Variants in PTPRT observed in about 807,000 individuals in gnomAD.
The protein encoded by PTPRT is receptor-type tyrosine-protein phosphatase T.
In PTPRT, 56 loss-of-function variants were observed where a neutral mutation model predicts 176.8. The observed-to-expected ratio is 0.32, with a 90% CI of 0.26 to 0.40. PTPRT has a LOEUF of 0.40. Among genes scored for constraint, PTPRT ranks in the 10% least tolerant of loss-of-function variants. PTPRT has a pLI of 1.00. For missense variants in PTPRT, 1,540 were observed against 1,908.2 expected (o/e 0.81, Z 3.60); for synonymous variants, 783 against 739.0 (o/e 1.06, Z -0.96).
At chr20:43,061,083 A>AATGAATGG (rs1297516398) in intron 1 of PTPRT, among the ~76,000 whole-genome samples, 2 of 114,030 alleles carry the variant, frequency 1.8e-5, no homozygotes, top group African/African-American at 3.2e-5. Flanking sequence ...TGGGCGGATA[A>AATGAATGG]ATGAATGGAT....
At position 42,449,891 on chromosome 20, in the gene PTPRT, A is replaced by G. The variant is rs563723064; in HGVS notation, c.1451-1562T>C. Among the ~76,000 whole-genome samples the G allele has an allele frequency of 2.6e-5, 4 of 152,370 alleles. No homozygotes were observed. The East Asian group carries it at 7.7e-4, about 29-fold the overall frequency. ...AAATTACTCATAATTCACATGTTCA[A>G]ATATTATTTTCCAATCTTTTTATGC... is the stretch of plus-strand genomic sequence containing the variant. On this transcript the variant is annotated intron_variant, in intron 8 of 30. Coordinates refer to ENST00000373187, the MANE Select transcript of PTPRT (RefSeq NM_007050.6).
intron 6 of PTPRT, among the ~76,000 whole-genome samples, chr20:42,753,533 C>A (rs1444041281): frequency 6.6e-6 from 1 of 152,208 alleles, no homozygotes; most frequent in African/African-American, 2.4e-5. Flanking sequence ...GCCAACCCCC[C>A]ACTGTTCAAT....
At position 42,199,395 on chromosome 20, in the gene PTPRT, G is replaced by A. The variant is rs868365668; in HGVS notation, c.2343-7C>T. 1 of 1,613,226 alleles carries A rather than the reference G, an allele frequency of 6.2e-7. No individual in the cohort carries two copies. Among genetic ancestry groups the A allele is most frequent in the Non-Finnish European group, 8.5e-7 (1 of 1,179,666 alleles). ...CTGCTTCTTGGCCAGCTTCCTTTGG[G>A]ACATGTGCAAGGGGAAAAAACCACA... On this transcript the variant is annotated splice_polypyrimidine_tract_variant and splice_region_variant and intron_variant, in intron 15 of 30. Transcript: ENST00000373187.
chr20:42,218,311 T>C (rs921466636), intron 15 of PTPRT, among the ~76,000 whole-genome samples: 11 of 152,238 alleles, frequency 7.2e-5, no homozygotes, highest in Non-Finnish European at 1.6e-4. Context: ...TGAAGAAGTA[T>C]ATCTATGTGC....
chr20:42,250,032 A>G (rs2056524038), intron 13 of PTPRT, among the ~76,000 whole-genome samples: 1 of 152,210 alleles, frequency 6.6e-6, no homozygotes, highest in Admixed American at 6.5e-5. Context: ...TTCATCAGCC[A>G]ATACGCTTTC....
At chr20:42,494,177 G>A (rs2071608940) in intron 7 of PTPRT, among the ~76,000 whole-genome samples, 1 of 152,088 alleles carries the variant, frequency 6.6e-6, no homozygotes, top group Admixed American at 6.6e-5. Flanking sequence ...TATGGTTAGA[G>A]ACCTCTGGAG....
intron 2 of PTPRT, among the ~76,000 whole-genome samples, chr20:42,821,405 C>T (rs1429880296): frequency 2.0e-5 from 3 of 152,132 alleles, no homozygotes; most frequent in Non-Finnish European, 4.4e-5. Context: ...AGTGATGGAA[C>T]ATATCTCAAA....
At chr20:42,412,972 A>G (rs1029353616) in intron 9 of PTPRT, among the ~76,000 whole-genome samples, 3 of 152,194 alleles carry the variant, frequency 2.0e-5, no homozygotes, top group Non-Finnish European at 4.4e-5. Flanking sequence ...GGTAGTGGTT[A>G]TACAACTATA....
At position 42,248,713 on chromosome 20, in the gene PTPRT, C is replaced by T. The variant is rs1254661924; in HGVS notation, c.2286G>A (p.Leu762=). Reference sequence around the variant, plus strand: ...TCCTTTTGATGGTGAGCATCACGCCCAGGAGAATGATGATGAACATGAGGA... The same window carrying T: ...TCCTTTTGATGGTGAGCATCACGCCTAGGAGAATGATGATGAACATGAGGA... The part of the protein sequence containing the change: ...AGLLMFIIIL[L]GVMLTIKRRR... Residue 762 remains leucine, a synonymous_variant, in exon 14 of 31, where the codon CTG becomes CTA. Transcript: ENST00000373187. The T allele has an allele frequency of 6.2e-7, 1 of 1,613,940 alleles. No individual in the cohort carries two copies. The highest frequency in any genetic ancestry group is 8.5e-7 in the Non-Finnish European group (1 of 1,179,924).
chr20:42,633,753 T>C (rs1309726058), intron 7 of PTPRT, among the ~76,000 whole-genome samples: 1 of 116,794 alleles, frequency 8.6e-6, no homozygotes, highest in Non-Finnish European at 1.6e-5. Flanking sequence ...ACCACTGCCC[T>C]CCAGCCTGGG....
intron 1 of PTPRT, among the ~76,000 whole-genome samples, chr20:43,043,232 G>T (rs1024034464): frequency 6.6e-6 from 1 of 152,124 alleles, no homozygotes; most frequent in Non-Finnish European, 1.5e-5. Context: ...GCTAGCAAAC[G>T]ACGCCCTCCC....
At chr20:43,112,437 T>C (rs1294409831) in intron 1 of PTPRT, among the ~76,000 whole-genome samples, 2 of 152,186 alleles carry the variant, frequency 1.3e-5, no homozygotes, top group Non-Finnish European at 2.9e-5. Context: ...AGGTTGTTCA[T>C]TTCATTCCAT....
intron 9 of PTPRT, among the ~76,000 whole-genome samples, chr20:42,447,961 G>A (rs1003911238): frequency 1.3e-5 from 2 of 152,174 alleles, no homozygotes; most frequent in African/African-American, 4.8e-5. Flanking sequence ...CCTGGGTTTT[G>A]GCTCTTTTGT....
intron 9 of PTPRT, among the ~76,000 whole-genome samples, chr20:42,427,587 A>G (rs1473663088): frequency 6.6e-6 from 1 of 152,114 alleles, no homozygotes; most frequent in Non-Finnish European, 1.5e-5. Flanking sequence ...CACTAATCCC[A>G]TTAATAAGGG....
chr20:42,303,404 G>A (rs1163314681), intron 12 of PTPRT, among the ~76,000 whole-genome samples: 1 of 152,152 alleles, frequency 6.6e-6, no homozygotes, highest in Non-Finnish European at 1.5e-5. Context: ...AAAAATATGA[G>A]TGCATAAGGG....
chr20:42,372,122 G>A (rs920756258), intron 9 of PTPRT, among the ~76,000 whole-genome samples: 1 of 152,110 alleles, frequency 6.6e-6, no homozygotes, highest in African/African-American at 2.4e-5. Flanking sequence ...AAAGCATGAA[G>A]AGTCCAACCT....
At chr20:42,912,121 C>CAGTCAA (rs1420901145) in intron 1 of PTPRT, among the ~76,000 whole-genome samples, 1 of 151,790 alleles carries the variant, frequency 6.6e-6, no homozygotes, top group African/African-American at 2.4e-5. Context: ...ATTATATATA[C>CAGTCAA]AGTCAAACCA....
chr20:42,952,121 T>C (rs1304151506), intron 1 of PTPRT, among the ~76,000 whole-genome samples: 1 of 152,160 alleles, frequency 6.6e-6, no homozygotes, highest in Non-Finnish European at 1.5e-5. Context: ...GGCCACGCAG[T>C]GTCCAGCCTA....
At chr20:42,834,028 T>A (rs972518722) in intron 2 of PTPRT, among the ~76,000 whole-genome samples, 1 of 152,012 alleles carries the variant, frequency 6.6e-6, no homozygotes, top group Non-Finnish European at 1.5e-5. Flanking sequence ...TCATCGAAAT[T>A]AAAATATTTT....
Sources: allele counts gnomAD v4.1 joint callset (sites outside exome capture counted in the v4.1 genomes callset), GRCh38; gene constraint gnomAD v4.1.1; transcripts MANE v1.5; gene names NCBI Gene and HGNC (gene_info 2026-07-23, HGNC 2026-07-21).